CCDC170: variants seen among roughly 807,000 people sequenced by gnomAD.
The protein encoded by CCDC170 is coiled-coil domain containing 170.
Under a neutral mutation model 72.6 loss-of-function variants are expected in CCDC170, and 69 were observed. The observed-to-expected ratio is 0.95, with a 90% CI of 0.78 to 1.16. CCDC170 has a LOEUF of 1.16. CCDC170 is among the 50% of genes most tolerant of loss of function. The pLI, the probability that CCDC170 is intolerant of heterozygous loss-of-function variation, is 0.00. For missense variants in CCDC170, 852 were observed against 832.5 expected (o/e 1.02, Z -0.29); for synonymous variants, 300 against 303.9 (o/e 0.99, Z 0.13).
At chr6:151,603,579 C>A (rs969481815) in intron 9 of CCDC170, among the ~76,000 whole-genome samples, 5 of 152,178 alleles carry the variant, frequency 3.3e-5, no homozygotes, top group Admixed American at 6.5e-5. Context: ...TGCTTTATGG[C>A]CTGCATCAGT....
At chr6:151,515,083 G>A (rs1367981232) in intron 1 of CCDC170, among the ~76,000 whole-genome samples, 2 of 152,182 alleles carry the variant, frequency 1.3e-5, no homozygotes, top group Non-Finnish European at 2.9e-5. Context: ...CTAAACAAAT[G>A]TAGTCAAATG....
At chr6:151,550,955 T>C (rs4870040) in intron 5 of CCDC170, among the ~76,000 whole-genome samples, 24,095 of 152,202 alleles carry the variant, frequency 0.16, 2,407 homozygotes, top group East Asian at 0.5. Context: ...TTGGGGAAGA[T>C]ACAAATCAGT....
chr6:151,573,364 A>G lies in CCDC170; in HGVS notation c.965A>G (p.Gln322Arg), dbSNP rs199593979. ...SQDAVTTSQS[Q>R]YFSFREKIAA... The stretch of plus-strand genomic sequence containing the variant: ...GATGCAGTCACAACCTCACAAAGCC[A>G]GTACTTCTCATTTAGGGAGAAAATC... The change falls in exon 6 of 11, where the codon CAG (glutamine) becomes CGG (arginine). Residue 322 changes from glutamine (Q) to arginine (R), a missense_variant. Gln to Arg is a conservative substitution (Grantham distance 43). Coordinates refer to ENST00000239374, the MANE Select transcript of CCDC170 (RefSeq NM_025059.4). 145 of 1,614,184 alleles carry G rather than the reference A, an allele frequency of 9.0e-5. No individual in the cohort carries two copies. The African/African-American group carries it at 1.8e-3, about 20-fold the overall frequency.
intron 8 of CCDC170, 78 bp from the exon 9 acceptor site, chr6:151,596,257 C>CGTTGT: frequency 7.2e-7 from 1 of 1,395,716 alleles, no homozygotes; most frequent in Non-Finnish European, 9.4e-7. Context: ...AGATAGAGAT[C>CGTTGT]AACATTATCT....
intron 9 of CCDC170, among the ~76,000 whole-genome samples, chr6:151,612,093 A>G (rs1290818353): frequency 6.6e-6 from 1 of 152,202 alleles, no homozygotes; most frequent in Non-Finnish European, 1.5e-5. Context: ...TGGTATAAAT[A>G]AATCTGATTT....
intron 5 of CCDC170, among the ~76,000 whole-genome samples, chr6:151,557,451 C>G (rs1028374018): frequency 6.6e-6 from 1 of 151,680 alleles, no homozygotes; most frequent in African/African-American, 2.4e-5. Flanking sequence ...GTGGACACTT[C>G]GGTTGATTCC....
At position 151,494,074 on chromosome 6, in the gene CCDC170, G is replaced by A; in HGVS notation, c.-55G>A. On this transcript the variant is annotated 5_prime_UTR_variant, in exon 1 of 11. Coordinates refer to ENST00000239374, the MANE Select transcript of CCDC170 (RefSeq NM_025059.4). Reference sequence around the variant, plus strand: ...GCGCCACCCGCCGGCTCCCGGCGCCGCCGCTTCCTCAGGGCCGGTTCCGGG... The same window carrying A: ...GCGCCACCCGCCGGCTCCCGGCGCCACCGCTTCCTCAGGGCCGGTTCCGGG... The A allele has an allele frequency of 2.1e-6, 3 of 1,439,182 alleles. No homozygotes were observed. Among genetic ancestry groups the A allele is most frequent in the South Asian group, 2.8e-5 (2 of 71,880 alleles). The allele number at this position is 1,439,182 out of a possible 1,614,324, so 89.2% of individuals were successfully genotyped here.
chr6:151,603,739 C>T (rs904394698), intron 9 of CCDC170, among the ~76,000 whole-genome samples: 4 of 152,176 alleles, frequency 2.6e-5, no homozygotes, highest in Admixed American at 6.5e-5. Context: ...TAGCTTTAGT[C>T]CTCAATGCCA....
chr6:151,589,129 C>A (rs1776496167), intron 7 of CCDC170, among the ~76,000 whole-genome samples: 1 of 152,000 alleles, frequency 6.6e-6, no homozygotes, highest in Non-Finnish European at 1.5e-5. Context: ...GTGGTGTGTG[C>A]CTGTAATCCC....
chr6:151,572,218 C>A (rs995516307), intron 5 of CCDC170, among the ~76,000 whole-genome samples: 1 of 152,184 alleles, frequency 6.6e-6, no homozygotes, highest in Non-Finnish European at 1.5e-5. Flanking sequence ...AATCCTCCCA[C>A]CTACCAAATG....
Position 151,593,146 on chromosome 6 carries a change from T to C in CCDC170, c.1333T>C (p.Leu445=). ...FLDQLSQKMK[L]DQMAAELGFD... ...GGATCAGCTTTCTCAGAAAATGAAG[T>C]TGGACCAGATGGCTGCCGAACTTGG... Residue 445 remains leucine (L), a synonymous_variant, in exon 8 of 11, where the codon TTG becomes CTG. Coordinates refer to ENST00000239374, the MANE Select transcript of CCDC170 (RefSeq NM_025059.4). 6.2e-7 allele frequency: 1 copy of C among 1,614,216 alleles called. No homozygotes were observed. The highest frequency in any genetic ancestry group is 1.1e-5 in the South Asian group (1 of 91,084).
At chr6:151,607,512 C>T (rs1258763908) in intron 9 of CCDC170, among the ~76,000 whole-genome samples, 4 of 152,048 alleles carry the variant, frequency 2.6e-5, no homozygotes, top group African/African-American at 9.7e-5. Context: ...TATCTTTTTG[C>T]TTCTAGATGT....
At chr6:151,563,368 G>A (rs1776077437) in intron 5 of CCDC170, among the ~76,000 whole-genome samples, 1 of 152,130 alleles carries the variant, frequency 6.6e-6, no homozygotes, top group African/African-American at 2.4e-5. Context: ...TTAGTACTTG[G>A]CACCTTATCT....
chr6:151,549,512 G>A (rs546279608), intron 5 of CCDC170, among the ~76,000 whole-genome samples: 47 of 152,188 alleles, frequency 3.1e-4, no homozygotes, highest in African/African-American at 1.1e-3. Context: ...AGGAGTATAT[G>A]GTGAAACATG....
intron 1 of CCDC170, among the ~76,000 whole-genome samples, chr6:151,515,527 C>T (rs1782222738): frequency 6.6e-6 from 1 of 152,178 alleles, no homozygotes; most frequent in Non-Finnish European, 1.5e-5. Flanking sequence ...AGGTGATCTG[C>T]CTGCCTTGGC....
chr6:151,540,709 C>G (rs754487336), intron 3 of CCDC170, among the ~76,000 whole-genome samples: 14 of 151,928 alleles, frequency 9.2e-5, no homozygotes, highest in Non-Finnish European at 1.6e-4. Flanking sequence ...TATAAGGGCA[C>G]TAATCTCATT....
At chr6:151,615,757 A>T (rs1776956568) in intron 10 of CCDC170, 78 bp downstream of exon 10, 1 of 1,042,754 alleles carries the variant, frequency 9.6e-7, no homozygotes, top group East Asian at 2.4e-5. Flanking sequence ...ATACTTATTC[A>T]TGCATTTCTT....
chr6:151,586,933 C>T (rs547812920), intron 7 of CCDC170, among the ~76,000 whole-genome samples: 57 of 151,830 alleles, frequency 3.8e-4, no homozygotes, highest in Admixed American at 2.5e-3. Flanking sequence ...TACAGGCGCC[C>T]GCCACCACGC....
rs777240420 is a variant in CCDC170, at chr6:151,511,891, A to C, written c.57+17706A>C. Among the ~76,000 whole-genome samples, 28 of 152,152 alleles carry C rather than the reference A, an allele frequency of 1.8e-4. 1 individual carries two copies. The highest frequency in any genetic ancestry group is 1.0e-3 in the South Asian group (5 of 4,828). ...GACAGGGTCTCAGTCTCTGCCACCC[A>C]GACTGGACTGCGGTGGCACGATCAG... On this transcript the variant is annotated intron_variant, in intron 1 of 10. Coordinates refer to ENST00000239374, the MANE Select transcript of CCDC170 (RefSeq NM_025059.4).
Sources: allele counts gnomAD v4.1 joint callset (sites outside exome capture counted in the v4.1 genomes callset), GRCh38; gene constraint gnomAD v4.1.1; transcripts MANE v1.5; gene names NCBI Gene and HGNC (gene_info 2026-07-23, HGNC 2026-07-21).